Variants in TASP1 observed in about 807,000 individuals in gnomAD.
TASP1 encodes the protein taspase 1.
Under a neutral mutation model 56.6 loss-of-function variants are expected in TASP1, and 16 were observed. The ratio of observed to expected loss-of-function variants is 0.28; its 90% CI spans 0.19 to 0.43. The LOEUF (loss-of-function observed/expected upper bound fraction) is 0.43, where lower values mean the gene tolerates loss of function less well. Ranked by LOEUF, TASP1 falls within the 20% of genes least tolerant of loss-of-function variation. The pLI is 1.00. For missense variants in TASP1, 393 were observed against 511.6 expected, an observed-to-expected ratio of 0.77 and a Z score of 2.24; for synonymous variants, 179 against 184.2, an observed-to-expected ratio of 0.97 and a Z score of 0.23.
intron 11 of TASP1, among the ~76,000 whole-genome samples, chr20:13,477,612 T>C (rs1030403650): frequency 1.3e-5 from 2 of 152,080 alleles, no homozygotes; most frequent in African/African-American, 2.4e-5. Context: ...AAAATAACCA[T>C]GAAGAGGAAA....
chr20:13,282,236 A>G, the TASP1 span, among the ~76,000 whole-genome samples: 1 of 152,050 alleles, frequency 6.6e-6, no homozygotes, highest in South Asian at 2.1e-4. Context: ...TTGTCTTTTA[A>G]AGCTCCGAGG....
intron 12 of TASP1, among the ~76,000 whole-genome samples, chr20:13,419,296 A>G (rs1474955): frequency 0.65 from 98,632 of 151,884 alleles, 32,286 homozygotes; most frequent in Non-Finnish European, 0.69. Context: ...GCTCGTGTGC[A>G]TGTAGAGGGA....
chr20:13,232,738 G>T, the TASP1 span, among the ~76,000 whole-genome samples: 1 of 152,146 alleles, frequency 6.6e-6, no homozygotes, highest in South Asian at 2.1e-4. Context: ...AAGTGTTTAG[G>T]ATCTACAACA....
At chr20:13,205,885 A>T in the TASP1 span, among the ~76,000 whole-genome samples, 8 of 152,272 alleles carry the variant, frequency 5.3e-5, no homozygotes, top group South Asian at 6.2e-4. Context: ...GACCCTCTAG[A>T]TCTGCATAGA....
the TASP1 span, among the ~76,000 whole-genome samples, chr20:13,358,236 T>G: frequency 6.6e-6 from 1 of 152,218 alleles, no homozygotes; most frequent in Non-Finnish European, 1.5e-5. Flanking sequence ...GCTGACTTTC[T>G]TTTCGGACTC....
In TASP1 at chr20:13,541,441, C is replaced by G. The variant is rs914046387; in HGVS notation, c.676-7300G>C. On this transcript the variant is annotated intron_variant, in intron 8 of 13. Transcript: ENST00000337743. ...CAGGAGGACTGCATTTAATAAAGTC[C>G]GTAAGGGGCATTCTACTTAACACTA... Among the ~76,000 whole-genome samples, 3 of 152,184 alleles carry G rather than the reference C, an allele frequency of 2.0e-5. No homozygotes were observed. The South Asian group carries it at 6.2e-4, about 32-fold the overall frequency.
the TASP1 span, among the ~76,000 whole-genome samples, chr20:13,301,313 C>A: frequency 2.6e-5 from 4 of 152,214 alleles, no homozygotes; most frequent in South Asian, 8.3e-4. Context: ...CTCAGCCTCC[C>A]GAGTAGCTGG....
the TASP1 span, among the ~76,000 whole-genome samples, chr20:13,359,677 TA>T: frequency 7.1e-6 from 1 of 140,690 alleles, no homozygotes; most frequent in Non-Finnish European, 1.5e-5. Flanking sequence ...AATACTCTTT[TA>T]AGCACTCCTT....
intron 12 of TASP1, among the ~76,000 whole-genome samples, chr20:13,425,320 A>T (rs528617954): frequency 6.6e-6 from 1 of 152,192 alleles, no homozygotes; most frequent in African/African-American, 2.4e-5. Flanking sequence ...AATCATCCAC[A>T]TATCATCCTG....
intron 1 of TASP1, 136 bp downstream of exon 1, chr20:13,638,758 G>C (rs891297498): frequency 6.6e-6 from 1 of 152,394 alleles, no homozygotes; most frequent in African/African-American, 2.4e-5. Flanking sequence ...GCCCCGCCCG[G>C]GGCAAGGGGT....
chr20:13,562,967 C>T (rs111615974), intron 7 of TASP1, among the ~76,000 whole-genome samples: 21,899 of 121,296 alleles, frequency 0.18, 2,080 homozygotes, highest in Middle Eastern at 0.27. Flanking sequence ...TGTATACGTG[C>T]GTATGTATGT....
At chr20:13,292,305 T>A in the TASP1 span, 3 of 936,290 alleles carry the variant, frequency 3.2e-6, no homozygotes. Context: ...TTTATTTTTT[T>A]ATTGTTGGGG....
Position 13,437,697 on chromosome 20 carries a change from C to T in TASP1, c.986-2543G>A, listed in dbSNP as rs554261908. ...AAAATCAATGTGCAAAAATCACAAG[C>T]ATTCTTATACACCAATAACAGACAA... is the stretch of plus-strand genomic sequence containing the variant. On this transcript the variant is annotated intron_variant, in intron 11 of 13. Transcript: ENST00000337743. Among the ~76,000 whole-genome samples, 328 of 152,272 alleles carry T rather than the reference C, an allele frequency of 2.2e-3. 2 individuals carry two copies. Among genetic ancestry groups the T allele is most frequent in the Non-Finnish European group, 3.5e-3 (237 of 68,022 alleles).
chr20:13,321,973 C>T, the TASP1 span, among the ~76,000 whole-genome samples: 1 of 152,160 alleles, frequency 6.6e-6, no homozygotes. Flanking sequence ...CATAACGATA[C>T]TGTTGCTCAC....
chr20:13,213,175 C>T, the TASP1 span, among the ~76,000 whole-genome samples: 3 of 144,328 alleles, frequency 2.1e-5, no homozygotes, highest in Non-Finnish European at 3.1e-5. Flanking sequence ...ATTTCAACTA[C>T]TCTTTAGTTA....
chr20:13,422,001 G>A (rs1019587888), intron 12 of TASP1, among the ~76,000 whole-genome samples: 3 of 145,886 alleles, frequency 2.1e-5, no homozygotes, highest in Admixed American at 1.4e-4. Flanking sequence ...ACCCAGGCTG[G>A]AGTGCAGTGG....
the TASP1 span, among the ~76,000 whole-genome samples, chr20:13,276,666 A>G: frequency 1.4e-5 from 2 of 144,310 alleles, no homozygotes; most frequent in African/African-American, 5.5e-5. Flanking sequence ...AGACTTTGTC[A>G]GTTTGGAAAT....
the TASP1 span, among the ~76,000 whole-genome samples, chr20:13,233,024 CA>C: frequency 5.6e-3 from 799 of 141,906 alleles, 6 homozygotes; most frequent in Middle Eastern, 0.014. Flanking sequence ...GATGCTGGAC[CA>C]AAAAAAAAAA....
the TASP1 span, among the ~76,000 whole-genome samples, chr20:13,365,518 G>T: frequency 2.0e-5 from 3 of 152,212 alleles, no homozygotes; most frequent in Non-Finnish European, 4.4e-5. Flanking sequence ...GGTGGTGATA[G>T]TTGAGCATAG....
Sources: allele counts gnomAD v4.1 joint callset (sites outside exome capture counted in the v4.1 genomes callset), GRCh38; gene constraint gnomAD v4.1.1; transcripts MANE v1.5; gene names NCBI Gene and HGNC (gene_info 2026-07-23, HGNC 2026-07-21).